The following SPOCK3 variants were observed in gnomAD, a reference collection of about 807,000 sequenced individuals.
The protein encoded by SPOCK3 is testican-3.
In SPOCK3, 30 loss-of-function variants were observed where a neutral mutation model predicts 56.6. The ratio of observed to expected loss-of-function variants is 0.53; its 90% CI spans 0.40 to 0.72. The LOEUF is 0.72. Among genes scored for constraint, SPOCK3 ranks in the 30% least tolerant of loss-of-function variants. The pLI, the probability that SPOCK3 is intolerant of heterozygous loss-of-function variation, is 0.00. For missense variants in SPOCK3, 527 were observed against 530.0 expected, an observed-to-expected ratio of 0.99 and a Z score of 0.06; for synonymous variants, 196 against 183.3, an observed-to-expected ratio of 1.07 and a Z score of -0.56.
intron 6 of SPOCK3, among the ~76,000 whole-genome samples, chr4:166,836,699 G>A (rs1445001387): frequency 1.3e-5 from 2 of 151,714 alleles, no homozygotes; most frequent in African/African-American, 4.8e-5. Flanking sequence ...TTCCTGAAAA[G>A]ACTCTTTCCA....
chr4:167,205,882 T>C (rs1310572202), intron 2 of SPOCK3, among the ~76,000 whole-genome samples: 1 of 151,608 alleles, frequency 6.6e-6, no homozygotes, highest in African/African-American at 2.4e-5. Context: ...GTGCTGGGAT[T>C]ACAGGCATAA....
intron 4 of SPOCK3, among the ~76,000 whole-genome samples, chr4:166,917,156 AT>A (rs561828823): frequency 1.3e-3 from 200 of 152,276 alleles, no homozygotes; most frequent in Non-Finnish European, 2.3e-3. Context: ...ATAAAATAAT[AT>A]TTGCATTACA....
At chr4:166,952,699 G>A (rs1475654318) in intron 4 of SPOCK3, among the ~76,000 whole-genome samples, 3 of 152,292 alleles carry the variant, frequency 2.0e-5, no homozygotes, top group Admixed American at 2.0e-4. Context: ...CAAGGCTACA[G>A]TAACCAAAAC....
intron 3 of SPOCK3, among the ~76,000 whole-genome samples, chr4:167,034,122 G>A (rs986226762): frequency 6.6e-6 from 1 of 151,850 alleles, no homozygotes; most frequent in African/African-American, 2.4e-5. Context: ...AAGATTTCCA[G>A]ATTATCAAAA....
intron 6 of SPOCK3, among the ~76,000 whole-genome samples, chr4:166,863,081 G>A (rs912976083): frequency 6.6e-6 from 1 of 152,044 alleles, no homozygotes; most frequent in African/African-American, 2.4e-5. Flanking sequence ...AACCCTACAA[G>A]CCAAAAGAGA....
At chr4:166,990,479 G>GGA in intron 4 of SPOCK3, among the ~76,000 whole-genome samples, 1 of 151,874 alleles carries the variant, frequency 6.6e-6, no homozygotes, top group Non-Finnish European at 1.5e-5. Flanking sequence ...GGAATAGAAA[G>GGA]ATTATTCAGG....
intron 3 of SPOCK3, among the ~76,000 whole-genome samples, chr4:167,010,551 C>T (rs983540175): frequency 6.7e-6 from 1 of 149,238 alleles, no homozygotes; most frequent in African/African-American, 2.5e-5. Context: ...CCAGACACAT[C>T]CATATTATTC....
intron 4 of SPOCK3, among the ~76,000 whole-genome samples, chr4:166,945,044 T>A (rs1472198155): frequency 6.6e-6 from 1 of 152,230 alleles, no homozygotes; most frequent in Non-Finnish European, 1.5e-5. Context: ...GTTCTTTTGA[T>A]ATACCACTAT....
intron 4 of SPOCK3, among the ~76,000 whole-genome samples, chr4:166,923,238 A>G (rs548039653): frequency 2.6e-5 from 4 of 152,310 alleles, no homozygotes; most frequent in African/African-American, 9.6e-5. Flanking sequence ...TCTCTCTCTT[A>G]TAAGGATACA....
At chr4:166,748,521 G>A (rs7666179) in intron 8 of SPOCK3, among the ~76,000 whole-genome samples, 97,280 of 135,114 alleles carry the variant, frequency 0.72, 40,053 homozygotes, top group South Asian at 0.78. Flanking sequence ...TAGACCTAAA[G>A]CCATAAAAAC....
At chr4:166,841,920 G>T (rs1383632325) in intron 6 of SPOCK3, among the ~76,000 whole-genome samples, 1 of 152,202 alleles carries the variant, frequency 6.6e-6, no homozygotes, top group Non-Finnish European at 1.5e-5. Flanking sequence ...TAAAGATGGT[G>T]TGTCTGTAGT....
intron 8 of SPOCK3, among the ~76,000 whole-genome samples, chr4:166,752,573 T>C (rs10012773): frequency 0.02 from 577 of 28,784 alleles, 3 homozygotes; most frequent in African/African-American, 0.056. Context: ...TATATATATA[T>C]ACACACACAC....
intron 6 of SPOCK3, among the ~76,000 whole-genome samples, chr4:166,832,694 C>T (rs1056140469): frequency 6.6e-6 from 1 of 152,236 alleles, no homozygotes; most frequent in South Asian, 2.1e-4. Flanking sequence ...AAATGTGGTA[C>T]TTACACATCA....
chr4:167,036,096 C>T (rs187420575), intron 3 of SPOCK3, among the ~76,000 whole-genome samples: 2 of 152,228 alleles, frequency 1.3e-5, no homozygotes, highest in Admixed American at 1.3e-4. Context: ...ATCTATCTTG[C>T]CCAAATATAT....
chr4:166,937,995 C>A (rs934625679), intron 4 of SPOCK3, among the ~76,000 whole-genome samples: 2 of 148,712 alleles, frequency 1.3e-5, no homozygotes, highest in African/African-American at 4.9e-5. Context: ...AGCCAGAAAG[C>A]TCTCAATCTC....
chr4:167,156,367 C>T (rs1764820544), intron 2 of SPOCK3, among the ~76,000 whole-genome samples: 1 of 152,158 alleles, frequency 6.6e-6, no homozygotes, highest in African/African-American at 2.4e-5. Context: ...TAGAACGCTT[C>T]CAGATCACCT....
At chr4:167,151,267 C>G (rs1027873895) in intron 2 of SPOCK3, among the ~76,000 whole-genome samples, 3 of 152,102 alleles carry the variant, frequency 2.0e-5, no homozygotes, top group African/African-American at 7.2e-5. Context: ...AAATGACGCT[C>G]TAAGGTTTTG....
intron 6 of SPOCK3, among the ~76,000 whole-genome samples, chr4:166,807,455 C>T (rs188046155): frequency 1.3e-5 from 2 of 152,232 alleles, no homozygotes; most frequent in East Asian, 1.9e-4. Context: ...GAGAGCTTCA[C>T]CATGCTGTTG....
At chr4:166,840,649 T>C (rs1015545520) in intron 6 of SPOCK3, among the ~76,000 whole-genome samples, 5 of 152,104 alleles carry the variant, frequency 3.3e-5, no homozygotes, top group African/African-American at 1.2e-4. Context: ...CCTAGCTAGT[T>C]GTCCACCTTC....
Sources: allele counts gnomAD v4.1 joint callset (sites outside exome capture counted in the v4.1 genomes callset), GRCh38; gene constraint gnomAD v4.1.1; transcripts MANE v1.5; gene names NCBI Gene and HGNC (gene_info 2026-07-23, HGNC 2026-07-21).